The following COL19A1 variants were observed in gnomAD, a reference collection of about 807,000 sequenced individuals.
COL19A1 encodes collagen alpha-1(XIX) chain.
In COL19A1, 159 loss-of-function variants were observed where a neutral mutation model predicts 190.2. The ratio of observed to expected loss-of-function variants is 0.84; its 90% confidence interval spans 0.73 to 0.95. The LOEUF (loss-of-function observed/expected upper bound fraction) is 0.95, where lower values mean the gene tolerates loss of function less well. Ranked by LOEUF, COL19A1 falls within the 40% of genes least tolerant of loss-of-function variation. The probability of loss-of-function intolerance (pLI) is 0.00; values close to 1 mark genes in which losing one functional copy is unlikely to be tolerated. For synonymous variants in COL19A1, 509 were observed against 458.9 expected, an observed-to-expected ratio of 1.11 and a Z score of -1.39; for missense variants, 1,418 against 1,431.9, an observed-to-expected ratio of 0.99 and a Z score of 0.16.
At chr6:69,994,232 G>C (rs763103620) in intron 11 of COL19A1, among the ~76,000 whole-genome samples, 1 of 152,096 alleles carries the variant, frequency 6.6e-6, no homozygotes, top group African/African-American at 2.4e-5. Context: ...GGAATCTGAA[G>C]CTCCAAAAAG....
intron 4 of COL19A1, among the ~76,000 whole-genome samples, chr6:69,912,433 G>A (rs929438688): frequency 1.3e-5 from 2 of 152,154 alleles, no homozygotes; most frequent in African/African-American, 2.4e-5. Flanking sequence ...GAAAAGTGAT[G>A]CACATGTGTT....
At chr6:69,978,418 G>A (rs1775848710) in intron 11 of COL19A1, among the ~76,000 whole-genome samples, 1 of 151,884 alleles carries the variant, frequency 6.6e-6, no homozygotes, top group Non-Finnish European at 1.5e-5. Context: ...TTGAAAAGTA[G>A]ACATTTTGTA....
rs371170948 is a variant in COL19A1 at position 70,149,857 on chromosome 6, C to T, written c.1936C>T (p.Arg646Ter). The T allele has an allele frequency of 9.9e-6, 16 of 1,613,492 alleles. No individual in the cohort carries two copies. The highest frequency in any genetic ancestry group is 2.2e-5 in the East Asian group (1 of 44,826). ...TATTTCCCTCCTTTTCCAGGGTCCT[C>T]GAGGTCTCCCTGGGTTGCCAGGAAC... ...PAGEPGIQGPRGLPGLPGTPG... is the reference protein window; with the variant it reads ...PAGEPGIQGP Residue 646 changes from arginine to a stop codon, truncating the protein, a stop_gained, in exon 29 of 51, where the codon CGA becomes TGA. Coordinates refer to ENST00000620364, the MANE Select transcript of COL19A1 (RefSeq NM_001858.6). LOFTEE classifies it high-confidence loss of function.
At chr6:69,998,015 T>C (rs1455737480) in intron 11 of COL19A1, among the ~76,000 whole-genome samples, 2 of 151,860 alleles carry the variant, frequency 1.3e-5, no homozygotes, top group Non-Finnish European at 1.5e-5. Context: ...GAAAACACAA[T>C]AAGAATATAG....
At chr6:69,875,240 A>G (rs545598268) in intron 1 of COL19A1, among the ~76,000 whole-genome samples, 2 of 152,150 alleles carry the variant, frequency 1.3e-5, no homozygotes, top group Non-Finnish European at 2.9e-5. Context: ...CAGCCTGGCA[A>G]TTTCATCACT....
chr6:70,194,941 A>C (rs760226813), intron 48 of COL19A1, among the ~76,000 whole-genome samples: 4 of 151,708 alleles, frequency 2.6e-5, no homozygotes, highest in Admixed American at 1.3e-4. Flanking sequence ...TGTTTTCTCG[A>C]TATGCATTTC....
chr6:70,062,057 T>C (rs1245369247), intron 14 of COL19A1, among the ~76,000 whole-genome samples: 1 of 151,674 alleles, frequency 6.6e-6, no homozygotes, highest in Non-Finnish European at 1.5e-5. Flanking sequence ...CCCTTTTTTT[T>C]CCTACCTAAA....
intron 9 of COL19A1, among the ~76,000 whole-genome samples, chr6:69,943,617 T>A (rs1025993955): frequency 3.3e-5 from 5 of 152,126 alleles, no homozygotes; most frequent in African/African-American, 1.2e-4. Flanking sequence ...TTTATTCTTT[T>A]GAATATAGTT....
At chr6:70,085,100 A>G (rs1782501996) in intron 15 of COL19A1, among the ~76,000 whole-genome samples, 1 of 152,216 alleles carries the variant, frequency 6.6e-6, no homozygotes, top group Non-Finnish European at 1.5e-5. Context: ...TAATTATTAT[A>G]TCATAGTTAT....
chr6:69,995,145 AG>A (rs1163870915), intron 11 of COL19A1, among the ~76,000 whole-genome samples: 1 of 152,162 alleles, frequency 6.6e-6, no homozygotes, highest in Non-Finnish European at 1.5e-5. Flanking sequence ...ACAAGGTGGG[AG>A]GGTGAGTTGT....
intron 1 of COL19A1, among the ~76,000 whole-genome samples, chr6:69,867,803 A>G (rs1767568878): frequency 6.6e-6 from 1 of 152,208 alleles, no homozygotes; most frequent in Admixed American, 6.5e-5. Context: ...CTCAGGGGAC[A>G]GTGGGCTGGA....
At chr6:69,883,633 G>A (rs1298199687) in intron 2 of COL19A1, among the ~76,000 whole-genome samples, 1 of 152,136 alleles carries the variant, frequency 6.6e-6, no homozygotes, top group Admixed American at 6.5e-5. Context: ...AGTAATACAA[G>A]AACCCTCACT....
intron 46 of COL19A1, 48 bp downstream of exon 46, chr6:70,184,963 C>A: frequency 6.4e-7 from 1 of 1,558,806 alleles, no homozygotes; most frequent in Non-Finnish European, 8.8e-7. Context: ...TCTGTTACAA[C>A]TGTCCCATCA....
intron 6 of COL19A1, among the ~76,000 whole-genome samples, chr6:69,930,044 GA>G (rs1023938526): frequency 4.1e-4 from 62 of 152,216 alleles, no homozygotes; most frequent in African/African-American, 1.5e-3. Context: ...GAAAGGGCTG[GA>G]AAAAGCTGAA....
At chr6:69,962,018 C>T (rs1054647300) in intron 10 of COL19A1, among the ~76,000 whole-genome samples, 5 of 152,174 alleles carry the variant, frequency 3.3e-5, no homozygotes, top group Admixed American at 6.5e-5. Context: ...TTGCTGAATG[C>T]TTCTTATGCT....
chr6:69,966,359 A>G (rs1775103047), intron 11 of COL19A1, among the ~76,000 whole-genome samples: 1 of 152,212 alleles, frequency 6.6e-6, no homozygotes, highest in Admixed American at 6.5e-5. Context: ...AGAAAGAGAG[A>G]TCAGATTGTT....
chr6:69,909,280 G>A (rs1460547124), intron 4 of COL19A1, among the ~76,000 whole-genome samples: 3 of 152,198 alleles, frequency 2.0e-5, no homozygotes, highest in Non-Finnish European at 2.9e-5. Context: ...CAGAACATTA[G>A]TAAAGAGTTT....
At chr6:69,995,214 A>C (rs1776836523) in intron 11 of COL19A1, among the ~76,000 whole-genome samples, 1 of 152,204 alleles carries the variant, frequency 6.6e-6, no homozygotes, top group African/African-American at 2.4e-5. Flanking sequence ...GCATTAGTTT[A>C]CTGCCAGGTG....
chr6:69,937,887 G>T (rs2150021454), intron 8 of COL19A1, 151 bp from the exon 9 acceptor site: 4 of 631,324 alleles, frequency 6.3e-6, no homozygotes, highest in Non-Finnish European at 1.1e-5. Flanking sequence ...TTTTTCCCTT[G>T]TTCACGTGGC....
Sources: allele counts gnomAD v4.1 joint callset (sites outside exome capture counted in the v4.1 genomes callset), GRCh38; gene constraint gnomAD v4.1.1; transcripts MANE v1.5; gene names NCBI Gene and HGNC (gene_info 2026-07-23, HGNC 2026-07-21).